EMG1: variants seen among roughly 807,000 people sequenced by gnomAD.
EMG1 encodes the protein EMG1 N1-specific pseudouridine methyltransferase, also known as ribosomal RNA small subunit methyltransferase NEP1.
EMG1 carries 24 observed loss-of-function variants against 26.9 expected under a neutral mutation model. The ratio of observed to expected loss-of-function variants is 0.89; its 90% CI spans 0.65 to 1.26. The LOEUF is 1.26. Among genes scored for constraint, EMG1 ranks in the 50% most tolerant of loss-of-function variants. The pLI is 0.00. For synonymous variants in EMG1, 140 were observed against 112.6 expected (o/e 1.24, Z -1.54); for missense variants, 299 against 307.6 (o/e 0.97, Z 0.21).
chr12:6,981,171 G>A (rs143854437), downstream of EMG1: 105 of 1,607,886 alleles, frequency 6.5e-5, no homozygotes, highest in African/African-American at 1.2e-3. Context: ...GTTGCTCAGA[G>A]GACAAGGAAT....
chr12:6,986,842 C>T (rs376262651), intron 6 of EMG1, among the ~76,000 whole-genome samples: 60 of 148,618 alleles, frequency 4.0e-4, no homozygotes, highest in Non-Finnish European at 8.1e-4. Context: ...CGGCCGGGTG[C>T]GGCAGCTCAC....
chr12:6,990,916 C>CAAAAAAAA (rs59031613), downstream of EMG1, among the ~76,000 whole-genome samples: 4 of 68,130 alleles, frequency 5.9e-5, no homozygotes, highest in African/African-American at 7.6e-5. Context: ...GACTCCAAAT[C>CAAAAAAAA]AAAAAAAAAA....
In EMG1 at chr12:6,976,987, C is replaced by T; in HGVS notation, c.*1178C>T. The stretch of plus-strand genomic sequence containing the variant: ...TGTTTCCTAGCATGCCTCAATAAGT[C>T]ACAGTAGTCATTGCCCATACTGTGT... On this transcript the variant is annotated 3_prime_UTR_variant, in exon 6 of 6. Coordinates refer to ENST00000599672, the MANE Select transcript of EMG1 (RefSeq NM_006331.8). 4.8e-6 allele frequency: 3 copies of T among 630,242 alleles called. No individual in the cohort carries two copies. The highest frequency in any genetic ancestry group is 3.7e-5 in the South Asian group (2 of 53,826). 39.0% of individuals were successfully genotyped at this position (630,242 alleles called of 1,614,324 possible).
downstream of EMG1, among the ~76,000 whole-genome samples, chr12:6,992,239 G>A (rs1015830629): frequency 3.3e-5 from 5 of 152,000 alleles, no homozygotes; most frequent in African/African-American, 9.7e-5. Flanking sequence ...AGGAGGCTGA[G>A]GTAGCATCAC....
downstream of EMG1, chr12:6,981,395 T>G (rs1555154046): frequency 1.4e-6 from 1 of 698,994 alleles, no homozygotes; most frequent in African/African-American, 1.8e-5. Flanking sequence ...GGCATTGATC[T>G]CTGGACTTTG....
chr12:6,983,254 A>C, downstream of EMG1: 1 of 556,816 alleles, frequency 1.8e-6, no homozygotes. Context: ...TGACAGAAGA[A>C]TGTACATAAA....
chr12:6,979,649 G>C lies in EMG1; in HGVS notation c.*3840G>C, dbSNP rs1555153820. The C allele has an allele frequency of 2.8e-6, 3 of 1,070,742 alleles. No homozygotes were observed. Among genetic ancestry groups the C allele is most frequent in the Admixed American group, 1.8e-5 (1 of 55,248 alleles). 66.3% of individuals were successfully genotyped at this position (1,070,742 alleles called of 1,614,324 possible). A position where few individuals can be genotyped will look rare whatever the true frequency, so the allele number is the denominator to read the frequency against. On this transcript the variant is annotated 3_prime_UTR_variant, in exon 6 of 6. Transcript: ENST00000599672. ...TATTCCCTTCACCCTCTGACCTTCAGTTATGGAGAGGAGTGTTTAGGGGTG... is the reference window on the plus strand; with the variant it reads ...TATTCCCTTCACCCTCTGACCTTCACTTATGGAGAGGAGTGTTTAGGGGTG...
chr12:6,977,810 C>T lies in EMG1; in HGVS notation c.*2001C>T. On this transcript the variant is annotated 3_prime_UTR_variant, in exon 6 of 6. Coordinates refer to ENST00000599672, the MANE Select transcript of EMG1 (RefSeq NM_006331.8). This position sits in a 1 kb window ranked among gnomAD's most constrained non-coding sequence, Gnocchi z 4.5. ...GGTCCTTGCATCCCGCCACCTGCCT[C>T]TGGGTCCTCACCCTGAGGATTGGAT... is the stretch of plus-strand genomic sequence containing the variant. 6.3e-7 allele frequency: 1 copy of T among 1,592,160 alleles called. No homozygotes were observed. The highest frequency in any genetic ancestry group is 8.6e-7 in the Non-Finnish European group (1 of 1,164,180).
rs2138330178 is a variant in EMG1 at position 6,979,594 on chromosome 12, G to A, written c.*3785G>A. 1 of 1,551,310 alleles carries A rather than the reference G, an allele frequency of 6.4e-7. No individual in the cohort carries two copies. The highest frequency in any genetic ancestry group is 8.9e-7 in the Non-Finnish European group (1 of 1,122,802). ...CAGGAATGATGCTGGAAAGGAACGAGTGAAGTTCCTGGTCACAGAGAGCAG... is the reference window on the plus strand; with the variant it reads ...CAGGAATGATGCTGGAAAGGAACGAATGAAGTTCCTGGTCACAGAGAGCAG... On this transcript the variant is annotated 3_prime_UTR_variant, in exon 6 of 6. Coordinates refer to ENST00000599672, the MANE Select transcript of EMG1 (RefSeq NM_006331.8).
In EMG1 at chr12:6,977,564, T is replaced by C. The variant is rs782642541; in HGVS notation, c.*1755T>C. On this transcript the variant is annotated 3_prime_UTR_variant, in exon 6 of 6. Transcript: ENST00000599672. This position sits in a 1 kb window ranked among gnomAD's most constrained non-coding sequence, Gnocchi z 4.5. ...AGGAGCTCATCAGCATCTTGTCCCTTATATTCCCCTTCACCCCCACCCTGG... is the reference window on the plus strand; with the variant it reads ...AGGAGCTCATCAGCATCTTGTCCCTCATATTCCCCTTCACCCCCACCCTGG... 4 of 1,614,122 alleles carry C rather than the reference T, an allele frequency of 2.5e-6. No individual in the cohort carries two copies. Among genetic ancestry groups the C allele is most frequent in the Non-Finnish European group, 3.4e-6 (4 of 1,180,014 alleles).
At chr12:6,995,230 C>T (rs1219029401) in intron 7 of EMG1, among the ~76,000 whole-genome samples, 3 of 151,826 alleles carry the variant, frequency 2.0e-5, no homozygotes, top group African/African-American at 4.8e-5. Context: ...AATCCCAGCA[C>T]TTTGGGAGGC....
In EMG1 at chr12:6,976,513, T is replaced by G. The variant is rs1946403000; in HGVS notation, c.*704T>G. On this transcript the variant is annotated 3_prime_UTR_variant, in exon 6 of 6. Coordinates refer to ENST00000599672, the MANE Select transcript of EMG1 (RefSeq NM_006331.8). The stretch of plus-strand genomic sequence containing the variant: ...GCGGAGGCGGGTGGATCACTTGCGG[T>G]CAGGAGTTCGAGACCAGCCTGGCCA... 6.5e-6 allele frequency: 1 copy of G among 153,066 alleles called. No individual in the cohort carries two copies. The highest frequency in any genetic ancestry group is 1.5e-5 in the Non-Finnish European group (1 of 68,756). The allele number at this position is 153,066 out of a possible 1,614,324, so 9.5% of individuals were successfully genotyped here.
chr12:6,986,826 A>C (rs2138338451), intron 6 of EMG1, among the ~76,000 whole-genome samples: 1 of 147,388 alleles, frequency 6.8e-6, no homozygotes, highest in South Asian at 2.2e-4. Context: ...AAAAAGTTAC[A>C]CCTGTCGGCC....
chr12:6,972,671 C>T (rs2138317912), intron 1 of EMG1, among the ~76,000 whole-genome samples: 1 of 152,294 alleles, frequency 6.6e-6, no homozygotes, highest in South Asian at 2.1e-4. Context: ...AGGATAGTGT[C>T]TGTCAGTCAT....
chr12:6,995,354 A>C (rs1013390413), intron 7 of EMG1, among the ~76,000 whole-genome samples: 5 of 151,856 alleles, frequency 3.3e-5, no homozygotes, highest in Non-Finnish European at 5.9e-5. Flanking sequence ...CATGCCTGTA[A>C]TCCCAGCTAC....
chr12:6,992,875 A>G (rs1290301909), downstream of EMG1, among the ~76,000 whole-genome samples: 1 of 152,228 alleles, frequency 6.6e-6, no homozygotes, highest in Non-Finnish European at 1.5e-5. Flanking sequence ...CATGTAACCT[A>G]TGCACATCTT....
chr12:6,979,456 T>G lies in EMG1; in HGVS notation c.*3647T>G. On this transcript the variant is annotated 3_prime_UTR_variant, in exon 6 of 6. Transcript: ENST00000599672. ...CTGGTGCAGTCATGCTGCTGCTGCT[T>G]TAGTAGACACTCACGTCATAGTCTT... The G allele has an allele frequency of 6.3e-7, 1 of 1,576,940 alleles. No homozygotes were observed. Among genetic ancestry groups the G allele is most frequent in the Non-Finnish European group, 8.7e-7 (1 of 1,146,116 alleles).
At position 6,975,112 on chromosome 12, in the gene EMG1, T is replaced by C. The variant is rs941579069; in HGVS notation, c.435T>C (p.Ser145=). 3.1e-6 allele frequency: 5 copies of C among 1,614,074 alleles called. No homozygotes were observed. The highest frequency in any genetic ancestry group is 4.2e-6 in the Non-Finnish European group (5 of 1,179,908). Residue 145 remains serine (S), a synonymous_variant, in exon 4 of 6, where the codon AGT becomes AGC. Transcript: ENST00000599672. ...GLMVQLLHKL[S]VRAADGPQKL... is the part of the protein sequence containing the mutation. ...TAGTTCAACTTTTACACAAGCTCAG[T>C]GTTCGAGCAGCTGATGGCCCCCAGA...
At chr12:6,993,588 T>C (rs1449394839) in intron 7 of EMG1, among the ~76,000 whole-genome samples, 2 of 152,190 alleles carry the variant, frequency 1.3e-5, no homozygotes, top group African/African-American at 4.8e-5. Context: ...CTACTTTATG[T>C]CTCTATAGAT....
Sources: gnomAD v4.1 joint callset for allele counts (sites outside exome capture counted in the v4.1 genomes callset) on GRCh38, gnomAD v4.1.1 for gene constraint, Gnocchi (gnomAD v3.1) non-coding constraint, MANE v1.5 for transcripts, NCBI Gene and HGNC (gene_info 2026-07-23, HGNC 2026-07-21) for gene names.